The following AP3B1 variants were observed in gnomAD, a reference collection of about 807,000 sequenced individuals.
The protein encoded by AP3B1 is AP-3 complex subunit beta-1.
AP3B1 carries 61 observed loss-of-function variants against 132.5 expected under a neutral mutation model. The ratio of observed to expected loss-of-function variants is 0.46; its 90% CI spans 0.37 to 0.57. The LOEUF is 0.57. Among genes scored for constraint, AP3B1 ranks in the 20% least tolerant of loss-of-function variants. The probability of loss-of-function intolerance (pLI) is 0.00; values close to 1 mark genes in which losing one functional copy is unlikely to be tolerated. For synonymous variants in AP3B1, 388 were observed against 438.3 expected (o/e 0.89, Z 1.43); for missense variants, 1,120 against 1,289.4 (o/e 0.87, Z 2.01).
rs569579178 is a variant in AP3B1 at position 78,284,970 on chromosome 5, G to C, written c.128+9482C>G. Among the ~76,000 whole-genome samples, 7 of 152,294 alleles carry C rather than the reference G, an allele frequency of 4.6e-5. No homozygotes were observed. In the East Asian group the frequency reaches 1.4e-3, roughly 29 times the overall value. On this transcript the variant is annotated intron_variant, in intron 1 of 26. Transcript: ENST00000255194. ...ATACTTAAAAATATACTAATGGCCA[G>C]GCGCGGTGGCCCACGCCTGTAAATC...
intron 1 of AP3B1, among the ~76,000 whole-genome samples, chr5:78,291,004 T>C (rs1208212725): frequency 3.9e-5 from 6 of 152,142 alleles, no homozygotes; most frequent in South Asian, 2.1e-4. Context: ...AATAAAGAAA[T>C]TGAAAATCTT....
chr5:78,233,329 G>T (rs1253622751), intron 3 of AP3B1, among the ~76,000 whole-genome samples: 3 of 151,756 alleles, frequency 2.0e-5, no homozygotes, highest in Non-Finnish European at 4.4e-5. Flanking sequence ...CGCCTCCTGG[G>T]TTCAAGCGAT....
intron 26 of AP3B1, among the ~76,000 whole-genome samples, chr5:78,006,347 TAA>T (rs758788774): frequency 6.6e-6 from 1 of 152,226 alleles, no homozygotes; most frequent in African/African-American, 2.4e-5. Context: ...AGTCAACAGA[TAA>T]AGTTTTTCCC....
chr5:78,229,895 T>C (rs1171757444), intron 3 of AP3B1, among the ~76,000 whole-genome samples: 1 of 152,208 alleles, frequency 6.6e-6, no homozygotes, highest in Non-Finnish European at 1.5e-5. Flanking sequence ...CAATCTGGAC[T>C]ACTTTAGAGA....
chr5:78,242,500 G>A (rs10065403), intron 2 of AP3B1, among the ~76,000 whole-genome samples: 41,257 of 151,866 alleles, frequency 0.27, 5,823 homozygotes, highest in Middle Eastern at 0.33. Context: ...TCCGCCTCCC[G>A]GGTTCGAGCG....
chr5:78,271,473 A>C (rs542929351), intron 1 of AP3B1, among the ~76,000 whole-genome samples: 21 of 152,318 alleles, frequency 1.4e-4, no homozygotes, highest in African/African-American at 5.1e-4. Flanking sequence ...TAAATTATCC[A>C]AATAAATATG....
In AP3B1 at chr5:78,039,121, C is replaced by A; in HGVS notation, c.2731G>T (p.Asp911Tyr). The A allele has an allele frequency of 6.2e-7, 1 of 1,613,470 alleles. No homozygotes were observed. Among genetic ancestry groups the A allele is most frequent in the Non-Finnish European group, 8.5e-7 (1 of 1,179,670 alleles). Reference protein sequence around the residue: ...SIQITLNNTTDRKIENIHIGE... With the variant: ...SIQITLNNTTYRKIENIHIGE... ...ATGTGGATATTTTCTATCTTTCGAT[C>A]AGTAGTGTTATTCAGTGTTATTTGT... Residue 911 changes from aspartate to tyrosine, a missense_variant, in exon 23 of 27, where the codon GAT becomes TAT. Asp to Tyr is a radical substitution (Grantham distance 160, BLOSUM62 -3). Coordinates refer to ENST00000255194, the MANE Select transcript of AP3B1 (RefSeq NM_003664.5).
rs550995724 is a variant in AP3B1, at chr5:78,025,309, G to A, written c.2895-4520C>T. Among the ~76,000 whole-genome samples, 5 of 152,268 alleles carry A rather than the reference G, an allele frequency of 3.3e-5. No individual in the cohort carries two copies. The South Asian group carries it at 6.2e-4, about 19-fold the overall frequency. On this transcript the variant is annotated intron_variant, in intron 24 of 26. Transcript: ENST00000255194. ...GCAATGATGCCAAGGGAGAAGGGTGGGGTGTTCAGAGAGAGAAGAGGCAGG... is the reference window on the plus strand; with the variant it reads ...GCAATGATGCCAAGGGAGAAGGGTGAGGTGTTCAGAGAGAGAAGAGGCAGG...
intron 7 of AP3B1, among the ~76,000 whole-genome samples, chr5:78,184,693 A>C (rs1172352061): frequency 2.6e-5 from 4 of 152,074 alleles, no homozygotes; most frequent in Non-Finnish European, 5.9e-5. Flanking sequence ...TCTCAAAAAA[A>C]AAAAAACAGA....
chr5:78,019,262 G>A (rs1408277327), intron 25 of AP3B1, among the ~76,000 whole-genome samples: 1 of 152,072 alleles, frequency 6.6e-6, no homozygotes, highest in Non-Finnish European at 1.5e-5. Context: ...GTTCTGTATG[G>A]CTAGTCAGCG....
At chr5:78,110,846 C>A (rs1751559497) in intron 19 of AP3B1, among the ~76,000 whole-genome samples, 1 of 151,118 alleles carries the variant, frequency 6.6e-6, no homozygotes, top group Admixed American at 6.7e-5. Flanking sequence ...GCAGCCTTGA[C>A]CTCCCGGGCT....
At chr5:78,148,784 A>T (rs1037370709) in intron 14 of AP3B1, among the ~76,000 whole-genome samples, 3 of 152,196 alleles carry the variant, frequency 2.0e-5, no homozygotes, top group African/African-American at 7.2e-5. Context: ...GTAAATATAC[A>T]GTCACCTATA....
chr5:78,289,807 G>A (rs1180201272), intron 1 of AP3B1, among the ~76,000 whole-genome samples: 1 of 152,082 alleles, frequency 6.6e-6, no homozygotes, highest in Non-Finnish European at 1.5e-5. Flanking sequence ...CGTCTAACAA[G>A]AAAAGTCTTC....
chr5:78,169,253 ATG>A (rs57558684), intron 11 of AP3B1, among the ~76,000 whole-genome samples: 24,996 of 152,098 alleles, frequency 0.16, 2,565 homozygotes, highest in Admixed American at 0.26. Flanking sequence ...AGCATGAATT[ATG>A]TTTTTCACCT....
chr5:78,169,747 T>G (rs1316522107), intron 11 of AP3B1, among the ~76,000 whole-genome samples: 1 of 151,512 alleles, frequency 6.6e-6, no homozygotes, highest in African/African-American at 2.4e-5. Context: ...ATTTATTTAT[T>G]TATTTATTTA....
At chr5:78,097,029 G>A (rs1249503166) in intron 21 of AP3B1, among the ~76,000 whole-genome samples, 34 of 121,790 alleles carry the variant, frequency 2.8e-4, no homozygotes, top group South Asian at 4.9e-4. Context: ...TCAGCCCCCC[G>A]CCCGGCCAGC....
chr5:78,098,152 G>T (rs436614), intron 21 of AP3B1, among the ~76,000 whole-genome samples: 30,827 of 144,012 alleles, frequency 0.21, 3,066 homozygotes, highest in Admixed American at 0.28. Context: ...GCGGAAGGCC[G>T]CAGGGTCCTC....
chr5:78,283,883 C>T (rs1749162542), intron 1 of AP3B1, among the ~76,000 whole-genome samples: 1 of 152,156 alleles, frequency 6.6e-6, no homozygotes, highest in African/African-American at 2.4e-5. Context: ...CCTTACTGTG[C>T]AAACCTTCAT....
intron 6 of AP3B1, among the ~76,000 whole-genome samples, chr5:78,217,150 A>C (rs1228288487): frequency 6.6e-6 from 1 of 152,150 alleles, no homozygotes. Context: ...CAATGACTTA[A>C]AATAAGCAAT....
Sources: gnomAD v4.1 joint callset for allele counts (sites outside exome capture counted in the v4.1 genomes callset) on GRCh38, gnomAD v4.1.1 for gene constraint, MANE v1.5 for transcripts, NCBI Gene and HGNC (gene_info 2026-07-23, HGNC 2026-07-21) for gene names.